TTN: variants seen among roughly 807,000 people sequenced by gnomAD.
TTN encodes the protein connectin.
Under a neutral mutation model 3,223.0 loss-of-function variants are expected in TTN, and 1,525 were observed. The ratio of observed to expected loss-of-function variants is 0.47; its 90% CI spans 0.45 to 0.49. The LOEUF is 0.49. Ranked by LOEUF, TTN falls within the 20% of genes least tolerant of loss-of-function variation. The probability of loss-of-function intolerance (pLI) is 0.00; values close to 1 mark genes in which losing one functional copy is unlikely to be tolerated. For synonymous variants in TTN, 14,094 were observed against 15,161.0 expected, an observed-to-expected ratio of 0.93 and a Z score of 5.17; for missense variants, 40,786 against 43,424.0, an observed-to-expected ratio of 0.94 and a Z score of 5.40.
chr2:178,542,203 CT>C (rs1694914145), intron 349 of TTN, 60 bp downstream of exon 349: 1 of 1,482,662 alleles, frequency 6.7e-7, no homozygotes, highest in Non-Finnish European at 9.1e-7. Flanking sequence ...AAAACAAATT[CT>C]TTTTTGTTAA....
In TTN at chr2:178,594,153, G is replaced by T; in HGVS notation, c.58240C>A (p.Pro19414Thr). ...FALTGRYSGK[P>T]KPKVSWFKDE... ...TTGAACCAGGAAACCTTAGGCTTTG[G>T]TTTGCCTGAGTAACGGCCAGTGAGG... The change falls in exon 297 of 363, where the codon CCA (proline) becomes ACA (threonine). Residue 19414 changes from proline (P) to threonine (T), a missense_variant. By Grantham distance (38) the Pro-to-Thr change is conservative. Transcript: ENST00000589042. 2 of 1,613,362 alleles carry T rather than the reference G, an allele frequency of 1.2e-6. No individual in the cohort carries two copies. Among genetic ancestry groups the T allele is most frequent in the Non-Finnish European group, 1.7e-6 (2 of 1,179,604 alleles).
chr2:178,742,762 G>T (rs1296994357), intron 47 of TTN: 3 of 152,038 alleles, frequency 2.0e-5, no homozygotes, highest in African/African-American at 4.8e-5. Flanking sequence ...TAGCTATGTA[G>T]AACAGGCCTG....
chr2:178,702,467 G>A lies in TTN; in HGVS notation c.30420C>T (p.Thr10140=). 1 of 1,613,858 alleles carries A rather than the reference G, an allele frequency of 6.2e-7. No homozygotes were observed. The highest frequency in any genetic ancestry group is 8.5e-7 in the Non-Finnish European group (1 of 1,179,874). The change falls in exon 107 of 363, where the codon ACC becomes ACT. Residue 10140 remains threonine (T), a synonymous_variant. Coordinates refer to ENST00000589042, the MANE Select transcript of TTN (RefSeq NM_001267550.2). ...RCHYMTIHNV[T]PDDEGVYSVI... ...CAATGAAATCACCTTCATCGTCTGG[G>A]GTCACATTGTGGATGGTCATATAAT...
chr2:178,534,424 G>A lies in TTN; in HGVS notation c.102191C>T (p.Ala34064Val), dbSNP rs149921607. ...CCATGGGTGCTGGAGAGCCTCCGATGCTGTCATGCGAGATTTCCTCTCTTT... is the reference window on the plus strand; with the variant it reads ...CCATGGGTGCTGGAGAGCCTCCGATACTGTCATGCGAGATTTCCTCTCTTT... ...LVKERKSRMT[A>V]SEALQHPWLK... Residue 34064 changes from alanine to valine, a missense_variant, in exon 358 of 363, where the codon GCA (alanine) becomes GTA (valine). Transcript: ENST00000589042. 11 of 1,612,098 alleles carry A rather than the reference G, an allele frequency of 6.8e-6. No individual in the cohort carries two copies. The African/African-American group carries it at 1.3e-4, about 20-fold the overall frequency.
At chr2:178,673,550 A>G in intron 152 of TTN, 83 bp downstream of exon 152, 1 of 998,052 alleles carries the variant, frequency 1.0e-6, no homozygotes, top group South Asian at 1.8e-5. Context: ...GATTATAAGA[A>G]GGCAGTCAAA....
At chr2:178,553,419 T>C (rs371361099) in intron 334 of TTN, 23 bp from the exon 335 acceptor site, 4 of 1,574,156 alleles carry the variant, frequency 2.5e-6, no homozygotes, top group Non-Finnish European at 3.4e-6. Flanking sequence ...AATGGATACA[T>C]ACAGTGAATT....
At chr2:178,578,221 C>T (rs2046886520) in intron 321 of TTN, 36 bp from the exon 322 acceptor site, 1 of 1,564,260 alleles carries the variant, frequency 6.4e-7, no homozygotes, top group Non-Finnish European at 8.7e-7. Context: ...AGTATAAATG[C>T]AGCTTGATTT....
rs537966944 is a variant in TTN, at chr2:178,729,002, C to T, written c.19036G>A (p.Val6346Met). Residue 6346 changes from valine to methionine, a missense_variant, in exon 65 of 363, where the codon GTG becomes ATG. Val to Met is a conservative substitution (Grantham distance 21). Coordinates refer to ENST00000589042, the MANE Select transcript of TTN (RefSeq NM_001267550.2). ...DNVYISFVDS[V>M]ATLQIRSVDN... The stretch of plus-strand genomic sequence containing the variant: ...ACACTTCTGATTTGAAGTGTGGCCA[C>T]ACTGTCCACAAATGAAATATAGACA... 55 of 1,613,060 alleles carry T rather than the reference C, an allele frequency of 3.4e-5. No homozygotes were observed. The highest frequency in any genetic ancestry group is 4.4e-5 in the Non-Finnish European group (52 of 1,179,498).
In TTN at chr2:178,549,062, C is replaced by A. The variant is rs778812675; in HGVS notation, c.92564G>T (p.Gly30855Val). ...PVFDGGMEII[G>V]YIIEMCKADL... ...GGCCTTACACATTTCAATAATATAC[C>A]CAATTATTTCCATGCCACCATCAAA... The change falls in exon 339 of 363, where the codon GGG becomes GTG. Residue 30855 changes from glycine to valine, a missense_variant. Gly to Val is a moderately radical substitution (Grantham distance 109). Transcript: ENST00000589042. The A allele has an allele frequency of 2.5e-5, 40 of 1,613,676 alleles. No homozygotes were observed. The highest frequency in any genetic ancestry group is 3.3e-5 in the Non-Finnish European group (39 of 1,179,826).
At position 178,562,191 on chromosome 2, in the gene TTN, T is replaced by G. The variant is rs1472389863; in HGVS notation, c.83941A>C (p.Lys27981Gln). Residue 27981 changes from lysine (K) to glutamine (Q), a missense_variant, in exon 326 of 363, where the codon AAG (lysine) becomes CAG (glutamine). By Grantham distance (53) the Lys-to-Gln change is moderately conservative. Coordinates refer to ENST00000589042, the MANE Select transcript of TTN (RefSeq NM_001267550.2). ...CTTCCTTTGAATGGCACATCAATCT[T>G]AAGTTGTTCTCTAGCCTTTACATTG... ...TFNVKAREQL[K>Q]IDVPFKGRPQ... 6.2e-7 allele frequency: 1 copy of G among 1,613,044 alleles called. No individual in the cohort carries two copies. Among genetic ancestry groups the G allele is most frequent in the Admixed American group, 1.7e-5 (1 of 59,906 alleles).
rs1399678257 is a variant in TTN, at chr2:178,784,257, G to A, written c.2588C>T (p.Thr863Ile). Residue 863 changes from threonine to isoleucine, a missense_variant, in exon 16 of 363, where the codon ACT becomes ATT. By Grantham distance (89) the Thr-to-Ile change is moderately conservative (BLOSUM62 -1). Coordinates refer to ENST00000589042, the MANE Select transcript of TTN (RefSeq NM_001267550.2). ...TACTCTAGTCTCACTGGGCTTCACAGTAGGAGCCTTCACCGATTTGGTGAT... is the reference window on the plus strand; with the variant it reads ...TACTCTAGTCTCACTGGGCTTCACAATAGGAGCCTTCACCGATTTGGTGAT... ...QKITKSVKAP[T>I]VKPSETRVRA... The A allele has an allele frequency of 6.2e-7, 1 of 1,614,156 alleles. No homozygotes were observed. The highest frequency in any genetic ancestry group is 1.1e-5 in the South Asian group (1 of 91,082).
intron 119 of TTN, 137 bp from the exon 120 acceptor site, chr2:178,692,717 A>C: frequency 1.6e-6 from 1 of 621,016 alleles, no homozygotes; most frequent in South Asian, 2.9e-5. Context: ...AATGAGAGTA[A>C]ATGAAGATGG....
Position 178,769,660 on chromosome 2 carries a change from T to C in TTN, c.8902+19A>G, listed in dbSNP as rs1223321536. 6.4e-7 allele frequency: 1 copy of C among 1,560,784 alleles called. No homozygotes were observed. The highest frequency in any genetic ancestry group is 8.8e-7 in the Non-Finnish European group (1 of 1,138,272). ...TTTTATATATATGTGTATATATATATATATATTTTTTAACTTACGGGTGAC... is the reference window on the plus strand; with the variant it reads ...TTTTATATATATGTGTATATATATACATATATTTTTTAACTTACGGGTGAC... On this transcript the variant is annotated intron_variant, in intron 37 of 362. Transcript: ENST00000589042.
At chr2:178,699,203 A>G (rs2074302455) in intron 111 of TTN, among the ~76,000 whole-genome samples, 1 of 151,804 alleles carries the variant, frequency 6.6e-6, no homozygotes, top group Admixed American at 6.6e-5. Context: ...TCTAAGTGAT[A>G]TCATAAATAG....
In TTN at chr2:178,558,411, A is replaced by G. The variant is rs762741586; in HGVS notation, c.87048T>C (p.Phe29016=). The change falls in exon 327 of 363, where the codon TTT becomes TTC. Residue 29016 remains phenylalanine, a synonymous_variant. Coordinates refer to ENST00000589042, the MANE Select transcript of TTN (RefSeq NM_001267550.2). ...CACTCAGGCCAGCTTGATTTTCAGC[A>G]AACACTCGGAAAAAGTATTCAGAAT... ...RENSEYFFRV[F]AENQAGLSDP... 3 of 1,613,782 alleles carry G rather than the reference A, an allele frequency of 1.9e-6. No individual in the cohort carries two copies. The Admixed American group carries it at 5.0e-5, about 27-fold the overall frequency.
chr2:178,600,912 A>G lies in TTN; in HGVS notation c.55992T>C (p.Ala18664=), dbSNP rs377441727. 1.9e-6 allele frequency: 3 copies of G among 1,613,026 alleles called. No homozygotes were observed. The highest frequency in any genetic ancestry group is 1.3e-5 in the African/African-American group (1 of 74,996). The change falls in exon 288 of 363, where the codon GCT becomes GCC. Residue 18664 remains alanine, a synonymous_variant. Coordinates refer to ENST00000589042, the MANE Select transcript of TTN (RefSeq NM_001267550.2). The part of the protein sequence containing the change: ...EYEFRVKAVN[A]AGVSKPSATV... ...TGGCTGAAGGCTTGCTGACTCCTGCAGCATTGACAGCTTTGACTCGGAATT... is the reference window on the plus strand; with the variant it reads ...TGGCTGAAGGCTTGCTGACTCCTGCGGCATTGACAGCTTTGACTCGGAATT...
chr2:178,662,652 G>A (rs2064960242), intron 175 of TTN, 36 bp from the exon 176 acceptor site: 6 of 862,572 alleles, frequency 7.0e-6, no homozygotes, highest in Non-Finnish European at 1.0e-5. Context: ...ATTTATGAAT[G>A]GTGAAGGTAT....
In TTN at chr2:178,726,046, T is replaced by C; in HGVS notation, c.20276A>G (p.Glu6759Gly). The C allele has an allele frequency of 6.6e-7, 1 of 1,505,574 alleles. No homozygotes were observed. Among genetic ancestry groups the C allele is most frequent in the Non-Finnish European group, 8.9e-7 (1 of 1,127,930 alleles). 93.3% of individuals were successfully genotyped at this position (1,505,574 alleles called of 1,614,324 possible). Residue 6759 changes from glutamate to glycine, a missense_variant and splice_region_variant, in exon 70 of 363, where the codon GAG becomes GGG. By Grantham distance (98) the Glu-to-Gly change is moderately conservative. Transcript: ENST00000589042. ...AGGGAAGCTGCTAAAAACAGGTGGCTCTGCAAAAAACAAGAATTTCTCATG... is the reference window on the plus strand; with the variant it reads ...AGGGAAGCTGCTAAAAACAGGTGGCCCTGCAAAAAACAAGAATTTCTCATG... Reference protein sequence around the residue: ...TSCSTKVIVKEPPVFSSFPPI... With the variant: ...TSCSTKVIVKGPPVFSSFPPI...
At position 178,550,268 on chromosome 2, in the gene TTN, G is replaced by C; in HGVS notation, c.91570C>G (p.Pro30524Ala). ...IIMTRDENVP[P>A]IVEFGPEYFD... ...TATTCAGGGCCAAACTCTACTATTG[G>C]TGGAACTATAAAAGAAAGAGAAATA... The change falls in exon 337 of 363, where the codon CCA becomes GCA. Residue 30524 changes from proline (P) to alanine (A), a missense_variant. By Grantham distance (27) the Pro-to-Ala change is conservative. Transcript: ENST00000589042. 1.9e-6 allele frequency: 3 copies of C among 1,605,474 alleles called. No homozygotes were observed. The highest frequency in any genetic ancestry group is 2.6e-6 in the Non-Finnish European group (3 of 1,175,380).
Sources: allele counts gnomAD v4.1 joint callset (sites outside exome capture counted in the v4.1 genomes callset), GRCh38; gene constraint gnomAD v4.1.1; transcripts MANE v1.5; gene names NCBI Gene and HGNC (gene_info 2026-07-23, HGNC 2026-07-21).